Variants in SPATS2L observed in about 807,000 individuals in gnomAD.
The protein encoded by SPATS2L is SPATS2-like protein.
SPATS2L carries 30 observed loss-of-function variants against 59.6 expected under a neutral mutation model. That is an observed-to-expected ratio of 0.50 (90% CI 0.38 to 0.68). The LOEUF (loss-of-function observed/expected upper bound fraction) is 0.68, where lower values mean the gene tolerates loss of function less well. SPATS2L is among the 30% of genes least tolerant of loss of function. The pLI is 0.00. For missense variants in SPATS2L, 615 were observed against 700.0 expected (o/e 0.88, Z 1.37); for synonymous variants, 252 against 263.5 (o/e 0.96, Z 0.42).
intron 2 of SPATS2L, among the ~76,000 whole-genome samples, chr2:200,351,674 T>C (rs531048210): frequency 6.6e-5 from 10 of 152,286 alleles, no homozygotes; most frequent in African/African-American, 2.2e-4. Context: ...ATTTTTTTAT[T>C]CACTCCTCCC....
At chr2:200,306,950 G>A (rs1004048683) in intron 1 of SPATS2L, 28 bp downstream of exon 1, 4 of 983,094 alleles carry the variant, frequency 4.1e-6, no homozygotes, top group Non-Finnish European at 4.8e-6. Context: ...TCCACGCCGG[G>A]CCGGCTGGGG....
intron 2 of SPATS2L, among the ~76,000 whole-genome samples, chr2:200,387,657 C>T (rs2082033577): frequency 1.3e-5 from 2 of 151,980 alleles, no homozygotes; most frequent in South Asian, 4.2e-4. Flanking sequence ...GCAAGTTATC[C>T]CTAGCATGTG....
chr2:200,328,554 C>T (rs1272270707), intron 1 of SPATS2L, among the ~76,000 whole-genome samples: 1 of 152,154 alleles, frequency 6.6e-6, no homozygotes, highest in African/African-American at 2.4e-5. Context: ...GAGCCAGGAA[C>T]AGCATCTCGT....
At chr2:200,452,303 A>G (rs1409949725) in intron 8 of SPATS2L, among the ~76,000 whole-genome samples, 3 of 152,250 alleles carry the variant, frequency 2.0e-5, no homozygotes, top group Admixed American at 1.3e-4. Flanking sequence ...TCAGTTGAAC[A>G]TTTAATGTTG....
intron 2 of SPATS2L, among the ~76,000 whole-genome samples, chr2:200,342,647 AC>A (rs3835864): frequency 6.6e-6 from 1 of 152,188 alleles, no homozygotes; most frequent in East Asian, 1.9e-4. Context: ...GATTTTATGC[AC>A]CCTAGAAATT....
At chr2:200,448,248 C>T (rs2085193083) in intron 8 of SPATS2L, among the ~76,000 whole-genome samples, 1 of 152,130 alleles carries the variant, frequency 6.6e-6, no homozygotes, top group South Asian at 2.1e-4. Context: ...TAGAGACCAG[C>T]CTGGCCAACA....
intron 6 of SPATS2L, among the ~76,000 whole-genome samples, chr2:200,420,570 A>C (rs545268217): frequency 2.0e-5 from 3 of 152,328 alleles, no homozygotes; most frequent in African/African-American, 7.2e-5. Context: ...ATGCAGTCCA[A>C]TTTAGGGTAA....
In SPATS2L at chr2:200,346,599, A is replaced by T. The variant is rs548896520; in HGVS notation, c.-23+17119A>T. On this transcript the variant is annotated intron_variant, in intron 2 of 12. Coordinates refer to ENST00000409140, the MANE Select transcript of SPATS2L (RefSeq NM_001100423.2). ...AAAACACTAAGTAATTTCAGAGAGAATCTCATTTTGGCATTCTTTATATCC... is the reference window on the plus strand; with the variant it reads ...AAAACACTAAGTAATTTCAGAGAGATTCTCATTTTGGCATTCTTTATATCC... Among the ~76,000 whole-genome samples the T allele has an allele frequency of 4.6e-5, 7 of 152,258 alleles. No individual in the cohort carries two copies. In the South Asian group the frequency reaches 1.2e-3, roughly 27 times the overall value.
chr2:200,480,221 T>A lies in SPATS2L; in HGVS notation c.*2190T>A, dbSNP rs1181988183. On this transcript the variant is annotated 3_prime_UTR_variant, in exon 13 of 13. Coordinates refer to ENST00000409140, the MANE Select transcript of SPATS2L (RefSeq NM_001100423.2). Reference sequence around the variant, plus strand: ...TTGACCTCGACTCACTCCCTTAGGGTTAAGAAAGCCCAAACACATTCCTGA... The same window carrying A: ...TTGACCTCGACTCACTCCCTTAGGGATAAGAAAGCCCAAACACATTCCTGA... The A allele has an allele frequency of 6.5e-6, 1 of 153,328 alleles. No homozygotes were observed. The highest frequency in any genetic ancestry group is 1.5e-5 in the Non-Finnish European group (1 of 68,866). 9.5% of individuals were successfully genotyped at this position (153,328 alleles called of 1,614,324 possible).
At chr2:200,356,074 A>G (rs1449844234) in intron 2 of SPATS2L, among the ~76,000 whole-genome samples, 1 of 152,226 alleles carries the variant, frequency 6.6e-6, no homozygotes, top group East Asian at 1.9e-4. Context: ...GCCCAACACT[A>G]ATAGTACATT....
At chr2:200,473,966 C>T in intron 12 of SPATS2L, among the ~76,000 whole-genome samples, 1 of 151,814 alleles carries the variant, frequency 6.6e-6, no homozygotes, top group East Asian at 1.9e-4. Flanking sequence ...CACCACTGCC[C>T]TTCAGCCTGG....
upstream of SPATS2L, chr2:200,306,126 G>C (rs1463339202): frequency 3.0e-6 from 3 of 988,836 alleles, no homozygotes; most frequent in Non-Finnish European, 3.6e-6. Flanking sequence ...GGGCTGACCC[G>C]AGCTCCAGCA....
chr2:200,355,410 G>T (rs1429668823), intron 2 of SPATS2L, among the ~76,000 whole-genome samples: 1 of 152,180 alleles, frequency 6.6e-6, no homozygotes, highest in Non-Finnish European at 1.5e-5. Context: ...TAAAAATCTG[G>T]ATGTCTGTGA....
At chr2:200,419,193 C>G in intron 5 of SPATS2L, 57 bp from the exon 6 acceptor site, 1 of 1,476,230 alleles carries the variant, frequency 6.8e-7, no homozygotes, top group South Asian at 1.3e-5. Flanking sequence ...CTCAGATTCA[C>G]CTTATATTTC....
intron 2 of SPATS2L, among the ~76,000 whole-genome samples, 188 bp from the exon 3 acceptor site, chr2:200,389,035 C>G (rs185137366): frequency 2.0e-4 from 30 of 152,220 alleles, no homozygotes; most frequent in Admixed American, 4.6e-4. Flanking sequence ...ACTTTGTTTT[C>G]TAGAGTTATT....
intron 5 of SPATS2L, among the ~76,000 whole-genome samples, chr2:200,418,960 T>A (rs77893153): frequency 2.9e-4 from 44 of 152,318 alleles, no homozygotes; most frequent in African/African-American, 1.0e-3. Context: ...AACCTCAAGT[T>A]GCTCAAATAA....
chr2:200,306,596 C>G, upstream of SPATS2L: 6 of 997,276 alleles, frequency 6.0e-6, no homozygotes, highest in Non-Finnish European at 7.2e-6. Flanking sequence ...GGGGTGTGTG[C>G]TCCTGGTGAG....
At chr2:200,350,718 A>G (rs2080694443) in intron 2 of SPATS2L, among the ~76,000 whole-genome samples, 1 of 151,992 alleles carries the variant, frequency 6.6e-6, no homozygotes, top group South Asian at 2.1e-4. Context: ...TTTTTTTAGT[A>G]GAGATGGCGT....
chr2:200,409,740 C>T (rs1396347218), intron 3 of SPATS2L, among the ~76,000 whole-genome samples: 1 of 152,166 alleles, frequency 6.6e-6, no homozygotes, highest in African/African-American at 2.4e-5. Context: ...ATCTGATATT[C>T]AGTTAGATTT....
Sources: allele counts gnomAD v4.1 joint callset (sites outside exome capture counted in the v4.1 genomes callset), GRCh38; gene constraint gnomAD v4.1.1; transcripts MANE v1.5; gene names NCBI Gene and HGNC (gene_info 2026-07-23, HGNC 2026-07-21).